The following CACNA1D variants were observed in gnomAD, a reference collection of about 807,000 sequenced individuals.
CACNA1D encodes voltage-dependent L-type calcium channel subunit alpha-1D.
CACNA1D carries 55 observed loss-of-function variants against 257.1 expected under a neutral mutation model. The observed-to-expected ratio is 0.21, with a 90% CI of 0.17 to 0.27. The LOEUF is 0.27. Among genes scored for constraint, CACNA1D ranks in the 10% least tolerant of loss-of-function variants. The pLI, the probability that CACNA1D is intolerant of heterozygous loss-of-function variation, is 1.00. For synonymous variants in CACNA1D, 980 were observed against 1,014.9 expected (o/e 0.97, Z 0.65); for missense variants, 1,876 against 2,784.0 (o/e 0.67, Z 7.34).
chr3:53,628,062 G>C (rs901230049), intron 3 of CACNA1D, among the ~76,000 whole-genome samples: 3 of 152,060 alleles, frequency 2.0e-5, no homozygotes, highest in African/African-American at 7.2e-5. Context: ...GAGGTATTCA[G>C]TTCTTGTTTT....
At chr3:53,599,767 G>A (rs1325708528) in intron 3 of CACNA1D, among the ~76,000 whole-genome samples, 2 of 152,206 alleles carry the variant, frequency 1.3e-5, no homozygotes, top group East Asian at 3.8e-4. Context: ...CTAGAAGAGT[G>A]TGAAAACTTA....
At position 53,776,734 on chromosome 3, in the gene CACNA1D, G is replaced by T; in HGVS notation, c.4490+4G>T. 1 of 1,614,200 alleles carries T rather than the reference G, an allele frequency of 6.2e-7. No individual in the cohort carries two copies. Among genetic ancestry groups the T allele is most frequent in the Middle Eastern group, 1.6e-4 (1 of 6,062 alleles). On this transcript the variant is annotated splice_donor_region_variant and intron_variant, in intron 36 of 47. Transcript: ENST00000350061. ...CAGAATATGACCCTGAGGCAAAGTA[G>T]GTTGAAAAATATTTGATTTGGCGTG...
rs1387265035 is a variant in CACNA1D at position 53,812,235 on chromosome 3, T to G, written c.*829T>G. The G allele has an allele frequency of 6.6e-6, 1 of 152,246 alleles. No homozygotes were observed. The highest frequency in any genetic ancestry group is 1.5e-5 in the Non-Finnish European group (1 of 68,042). The allele number at this position is 152,246 out of a possible 1,614,324, so 9.4% of individuals were successfully genotyped here. On this transcript the variant is annotated 3_prime_UTR_variant, in exon 48 of 48. Transcript: ENST00000350061. ...TATTTTGTAATTACTGTATTGTATT[T>G]GAACTGCAGCAATATCCATGGGTCC... is the stretch of plus-strand genomic sequence containing the variant.
At chr3:53,714,402 T>C (rs2094796777) in intron 9 of CACNA1D, among the ~76,000 whole-genome samples, 1 of 152,260 alleles carries the variant, frequency 6.6e-6, no homozygotes, top group South Asian at 2.1e-4. Context: ...GAAGCCCATG[T>C]ATTCGGGTAA....
intron 2 of CACNA1D, 23 bp from the exon 3 acceptor site, chr3:53,501,592 T>A: frequency 8.2e-7 from 1 of 1,224,216 alleles, no homozygotes; most frequent in Non-Finnish European, 1.2e-6. Flanking sequence ...ATAACACATA[T>A]ATACCTTAAC....
intron 3 of CACNA1D, among the ~76,000 whole-genome samples, chr3:53,576,734 G>A (rs1311735164): frequency 6.6e-6 from 1 of 152,186 alleles, no homozygotes; most frequent in East Asian, 1.9e-4. Context: ...ACCATCTGGT[G>A]GAACGTGGCG....
At chr3:53,809,754 G>A (rs146428542) in intron 46 of CACNA1D, 1 of 587,720 alleles carries the variant, frequency 1.7e-6, no homozygotes, top group Non-Finnish European at 3.0e-6. Context: ...AAAAGCCAAA[G>A]GAAATGCATT....
rs75436738 is a variant in CACNA1D, at chr3:53,521,396, C to T, written c.483+19676C>T. Among the ~76,000 whole-genome samples the T allele has an allele frequency of 8.0e-3, 1,212 of 152,208 alleles. 86 individuals are homozygous for T. In the South Asian group the frequency reaches 0.15, roughly 19 times the overall value. On this transcript the variant is annotated intron_variant, in intron 3 of 47. Coordinates refer to ENST00000350061, the MANE Select transcript of CACNA1D (RefSeq NM_001128840.3). Reference sequence around the variant, plus strand: ...GCACAAAAGTTTTTACTTTTGATGACGCGTAATATACATTGTTAGAAGGCC... The same window carrying T: ...GCACAAAAGTTTTTACTTTTGATGATGCGTAATATACATTGTTAGAAGGCC...
intron 8 of CACNA1D, among the ~76,000 whole-genome samples, chr3:53,676,997 CTTCT>C (rs1489245922): frequency 6.6e-6 from 1 of 152,172 alleles, no homozygotes; most frequent in Non-Finnish European, 1.5e-5. Context: ...GAAAGAATGT[CTTCT>C]TTAAGTCTGC....
intron 3 of CACNA1D, among the ~76,000 whole-genome samples, chr3:53,567,687 G>A (rs2092870559): frequency 6.6e-6 from 1 of 152,130 alleles, no homozygotes. Context: ...AATAAGCCAA[G>A]CCCAAAGTCT....
intron 9 of CACNA1D, among the ~76,000 whole-genome samples, chr3:53,713,191 C>G (rs1298977188): frequency 6.6e-6 from 1 of 152,178 alleles, no homozygotes; most frequent in Non-Finnish European, 1.5e-5. Flanking sequence ...GGTAGTAAAA[C>G]CAGCCAGCAT....
intron 3 of CACNA1D, among the ~76,000 whole-genome samples, chr3:53,622,327 C>A (rs2093705740): frequency 6.6e-6 from 1 of 152,040 alleles, no homozygotes; most frequent in South Asian, 2.1e-4. Context: ...GGCCTGTGAC[C>A]CAGCAATTTT....
At position 53,628,736 on chromosome 3, in the gene CACNA1D, C is replaced by T. The variant is rs555170374; in HGVS notation, c.484-22043C>T. Among the ~76,000 whole-genome samples the T allele has an allele frequency of 5.9e-5, 9 of 152,308 alleles. No homozygotes were observed. In the East Asian group the frequency reaches 9.6e-4, roughly 16 times the overall value. ...CTGTTTGTGTTTTCGAAAGCCTCAG[C>T]GGTCACTGCCATTTCAGTGCCTGCA... On this transcript the variant is annotated intron_variant, in intron 3 of 47. Coordinates refer to ENST00000350061, the MANE Select transcript of CACNA1D (RefSeq NM_001128840.3).
intron 3 of CACNA1D, among the ~76,000 whole-genome samples, chr3:53,554,652 A>G (rs1019302734): frequency 6.6e-6 from 1 of 152,174 alleles, no homozygotes; most frequent in Non-Finnish European, 1.5e-5. Context: ...TAGGGATTAG[A>G]TTCTTCTTTG....
intron 3 of CACNA1D, among the ~76,000 whole-genome samples, chr3:53,513,253 C>A (rs375570085): frequency 5.4e-4 from 82 of 152,266 alleles, no homozygotes; most frequent in African/African-American, 1.9e-3. Flanking sequence ...AGTCGGTGGT[C>A]CCATAAGATT....
At chr3:53,756,500 C>G (rs1176581514) in intron 29 of CACNA1D, among the ~76,000 whole-genome samples, 1 of 152,178 alleles carries the variant, frequency 6.6e-6, no homozygotes, top group Non-Finnish European at 1.5e-5. Flanking sequence ...GCAAAAGCAT[C>G]CGGGAAAAGC....
Position 53,751,144 on chromosome 3 carries a change from T to C in CACNA1D, c.3517-605T>C, listed in dbSNP as rs1037478076. On this transcript the variant is annotated intron_variant, in intron 27 of 47. Transcript: ENST00000350061. The surrounding 1 kb of genome is among the most constrained non-coding windows in gnomAD (Gnocchi z 4.3). ...GCTCCCCAGCCCAGAAGCTCCCCGA[T>C]GGACATGTGGATAGCTCCCCATAAG... 7.9e-5 allele frequency among the ~76,000 whole-genome samples: 12 copies of C among 152,208 alleles called. No individual in the cohort carries two copies. The highest frequency in any genetic ancestry group is 1.3e-4 in the Non-Finnish European group (9 of 68,038).
At chr3:53,641,618 C>A (rs114272883) in intron 3 of CACNA1D, among the ~76,000 whole-genome samples, 1 of 152,014 alleles carries the variant, frequency 6.6e-6, no homozygotes, top group Non-Finnish European at 1.5e-5. Flanking sequence ...TAGAATGTAC[C>A]CTCTGCCAAG....
At chr3:53,497,045 G>C (rs2090381056) in intron 1 of CACNA1D, 107 bp from the exon 2 acceptor site, 1 of 845,680 alleles carries the variant, frequency 1.2e-6, no homozygotes, top group Admixed American at 2.2e-5. Flanking sequence ...AAACATAGGA[G>C]TGAATGATTC....
Sources: gnomAD v4.1 joint callset for allele counts (sites outside exome capture counted in the v4.1 genomes callset) on GRCh38, gnomAD v4.1.1 for gene constraint, Gnocchi (gnomAD v3.1) non-coding constraint, MANE v1.5 for transcripts, NCBI Gene and HGNC (gene_info 2026-07-23, HGNC 2026-07-21) for gene names.